Variants in PARK7 observed in about 807,000 individuals in gnomAD.
PARK7 encodes Parkinson disease protein 7.
PARK7 carries 14 observed loss-of-function variants against 20.5 expected under a neutral mutation model. That is an observed-to-expected ratio of 0.68 (90% CI 0.45 to 1.07). The LOEUF is 1.07. Ranked by LOEUF, PARK7 falls within the 50% of genes least tolerant of loss-of-function variation. PARK7 has a pLI of 0.00. For missense variants in PARK7, 234 were observed against 238.1 expected (o/e 0.98, Z 0.11); for synonymous variants, 98 against 84.3 (o/e 1.16, Z -0.89).
At position 7,985,017 on chromosome 1, in the gene PARK7, C is replaced by T. The variant is rs759888524; in HGVS notation, c.533C>T (p.Ala178Val). The change falls in exon 7 of 7, where the codon GCG becomes GTG. Residue 178 changes from alanine (A) to valine (V), a missense_variant. Ala to Val is a moderately conservative substitution (Grantham distance 64). Coordinates refer to ENST00000338639, the MANE Select transcript of PARK7 (RefSeq NM_007262.5). ...IVEALNGKEVAAQVKAPLVLK... is the reference protein window; with the variant it reads ...IVEALNGKEVVAQVKAPLVLK... ...GAAGCCCTGAATGGCAAGGAGGTGG[C>T]GGCTCAAGTGAAGGCTCCACTTGTT... is the stretch of plus-strand genomic sequence containing the variant. 52 of 1,614,152 alleles carry T rather than the reference C, an allele frequency of 3.2e-5. No homozygotes were observed. Among genetic ancestry groups the T allele is most frequent in the Non-Finnish European group, 4.2e-5 (49 of 1,180,038 alleles).
chr1:7,971,872 G>T (rs1640472809), intron 5 of PARK7: 1 of 152,202 alleles, frequency 6.6e-6, no homozygotes, highest in Non-Finnish European at 1.5e-5. Flanking sequence ...GGCGGAGGTT[G>T]CAGTGAGCCG....
chr1:7,980,429 G>C (rs573865969), intron 6 of PARK7, among the ~76,000 whole-genome samples: 6 of 152,232 alleles, frequency 3.9e-5, no homozygotes, highest in Admixed American at 1.3e-4. Flanking sequence ...AAAAAGATCA[G>C]ATTGTTGATG....
chr1:7,977,049 A>T (rs1640597275), intron 5 of PARK7, among the ~76,000 whole-genome samples: 1 of 152,068 alleles, frequency 6.6e-6, no homozygotes, highest in Non-Finnish European at 1.5e-5. Flanking sequence ...AGAAAATAAG[A>T]TTACAAAAGA....
intron 6 of PARK7, among the ~76,000 whole-genome samples, chr1:7,980,468 C>A (rs1292454972): frequency 6.6e-6 from 1 of 152,092 alleles, no homozygotes; most frequent in Admixed American, 6.6e-5. Flanking sequence ...AAAGCACGTT[C>A]CCGTACGTTA....
intron 5 of PARK7, among the ~76,000 whole-genome samples, chr1:7,976,710 A>G (rs768740119): frequency 1.3e-5 from 2 of 151,376 alleles, no homozygotes; most frequent in Non-Finnish European, 2.9e-5. Flanking sequence ...TTAATTTCCC[A>G]TTTTATTTAT....
rs756040385 is a variant in PARK7, at chr1:7,965,320, G to C, written c.91-4G>C. The C allele has an allele frequency of 2.5e-6, 4 of 1,612,054 alleles. No homozygotes were observed. In the Admixed American group the frequency reaches 6.7e-5, roughly 27 times the overall value. On this transcript the variant is annotated splice_region_variant and splice_polypyrimidine_tract_variant and intron_variant, in intron 2 of 6. Transcript: ENST00000338639. ...TCTTAAATATGATAACATCTTTCTCGTAGATTAAGGTCACCGTTGCAGGCC... is the reference window on the plus strand; with the variant it reads ...TCTTAAATATGATAACATCTTTCTCCTAGATTAAGGTCACCGTTGCAGGCC...
intron 5 of PARK7, 52 bp from the exon 6 acceptor site, chr1:7,977,600 A>G: frequency 6.5e-7 from 1 of 1,534,742 alleles, no homozygotes; most frequent in Non-Finnish European, 9.0e-7. Context: ...GCGATTTTTT[A>G]AACATGGGCT....
At chr1:7,964,172 ATCTC>A (rs940447735) in intron 2 of PARK7, among the ~76,000 whole-genome samples, 1 of 152,084 alleles carries the variant, frequency 6.6e-6, no homozygotes, top group Non-Finnish European at 1.5e-5. Flanking sequence ...TTTATATATT[ATCTC>A]TCTCTATCTA....
intron 6 of PARK7, among the ~76,000 whole-genome samples, chr1:7,982,084 C>T (rs1364364239): frequency 1.4e-5 from 2 of 147,582 alleles, no homozygotes; most frequent in African/African-American, 5.0e-5. Flanking sequence ...AAGTGATTCT[C>T]CTGTCTCAGC....
At position 7,983,156 on chromosome 1, in the gene PARK7, G is replaced by A. The variant is rs56682517; in HGVS notation, c.410-1738G>A. Among the ~76,000 whole-genome samples the A allele has an allele frequency of 1.1e-4, 17 of 152,342 alleles. 1 individual carries two copies. In the East Asian group the frequency reaches 2.7e-3, roughly 24 times the overall value. On this transcript the variant is annotated intron_variant, in intron 6 of 6. Coordinates refer to ENST00000338639, the MANE Select transcript of PARK7 (RefSeq NM_007262.5). ...TTTTCTGCGTGTTCATTGAACAGACGTTTCCTAAGCTCCTCCTTAGTGCCT... is the reference window on the plus strand; with the variant it reads ...TTTTCTGCGTGTTCATTGAACAGACATTTCCTAAGCTCCTCCTTAGTGCCT...
At chr1:7,969,319 T>C in intron 3 of PARK7, 26 bp from the exon 4 acceptor site, 1 of 1,585,670 alleles carries the variant, frequency 6.3e-7, no homozygotes. Context: ...ATGTTTTTGT[T>C]TTCTTTATGT....
At chr1:7,982,149 AT>A (rs760318319) in intron 6 of PARK7, among the ~76,000 whole-genome samples, 648 of 116,518 alleles carry the variant, frequency 5.6e-3, no homozygotes, top group Middle Eastern at 9.6e-3. Context: ...TAATTTTTGT[AT>A]TTTTTTTTTT....
At chr1:7,968,783 C>T (rs1296004395) in intron 3 of PARK7, among the ~76,000 whole-genome samples, 2 of 152,196 alleles carry the variant, frequency 1.3e-5, no homozygotes, top group Admixed American at 6.5e-5. Flanking sequence ...TCCCAAAGTG[C>T]TGGGATTACA....
chr1:7,974,137 C>G (rs1485518875), intron 5 of PARK7, among the ~76,000 whole-genome samples: 1 of 148,886 alleles, frequency 6.7e-6, no homozygotes, highest in African/African-American at 2.5e-5. Context: ...TAGTGAGACC[C>G]CCCCACCGAC....
intron 6 of PARK7, among the ~76,000 whole-genome samples, chr1:7,980,005 A>G (rs1424407752): frequency 2.6e-5 from 4 of 151,924 alleles, no homozygotes; most frequent in Non-Finnish European, 5.9e-5. Context: ...TAAATGTACT[A>G]AAAAAATTAG....
At chr1:7,978,762 C>T (rs750911952) in intron 6 of PARK7, among the ~76,000 whole-genome samples, 17 of 150,484 alleles carry the variant, frequency 1.1e-4, no homozygotes, top group Non-Finnish European at 1.8e-4. Context: ...GGGATGATCG[C>T]TTTAAGCCTG....
intron 3 of PARK7, chr1:7,969,099 T>C: frequency 2.2e-6 from 1 of 460,552 alleles, no homozygotes; most frequent in South Asian, 2.8e-5. Context: ...GAGATTATAC[T>C]ACCCCTGCTA....
chr1:7,970,805 T>G, intron 4 of PARK7, 89 bp from the exon 5 acceptor site: 1 of 1,316,460 alleles, frequency 7.6e-7, no homozygotes, highest in Non-Finnish European at 1.1e-6. Flanking sequence ...TGGTTTAAAC[T>G]AAAATTAAAT....
At chr1:7,964,390 C>T (rs940354283) in intron 2 of PARK7, among the ~76,000 whole-genome samples, 1 of 152,086 alleles carries the variant, frequency 6.6e-6, no homozygotes, top group Non-Finnish European at 1.5e-5. Flanking sequence ...GCAGCCTGGC[C>T]CCAGAGTCTG....
Sources: gnomAD v4.1 joint callset for allele counts (sites outside exome capture counted in the v4.1 genomes callset) on GRCh38, gnomAD v4.1.1 for gene constraint, MANE v1.5 for transcripts, NCBI Gene and HGNC (gene_info 2026-07-23, HGNC 2026-07-21) for gene names.